The following MATN2 variants were observed in gnomAD, a reference collection of about 807,000 sequenced individuals.
The protein encoded by MATN2 is matrilin-2.
MATN2 carries 69 observed loss-of-function variants against 103.2 expected under a neutral mutation model. The ratio of observed to expected loss-of-function variants is 0.67; its 90% CI spans 0.55 to 0.82. MATN2 has a LOEUF of 0.82. MATN2 is among the 40% of genes least tolerant of loss of function. The pLI is 0.00. For missense variants in MATN2, 1,023 were observed against 1,211.5 expected (o/e 0.84, Z 2.31); for synonymous variants, 429 against 450.2 (o/e 0.95, Z 0.60).
At chr8:98,033,273 A>C (rs1009895901) in intron 17 of MATN2, 97 bp downstream of exon 17, 126 of 1,102,924 alleles carry the variant, frequency 1.1e-4, no homozygotes, top group Non-Finnish European at 1.5e-4. Flanking sequence ...AGAAGGAAGT[A>C]GGAAATAGTA....
At chr8:97,877,190 T>TG (rs958850093) in intron 1 of MATN2, among the ~76,000 whole-genome samples, 3 of 151,576 alleles carry the variant, frequency 2.0e-5, no homozygotes, top group African/African-American at 7.3e-5. Context: ...AAAAATTTTT[T>TG]GGGGGGGCCA....
intron 13 of MATN2, among the ~76,000 whole-genome samples, chr8:98,023,023 G>C (rs1813659783): frequency 6.6e-6 from 1 of 152,176 alleles, no homozygotes; most frequent in Non-Finnish European, 1.5e-5. Flanking sequence ...GGGAGGCGGA[G>C]GTTGCAGTGA....
Position 98,007,009 on chromosome 8 carries a change from G to A in MATN2, c.1328-96G>A, listed in dbSNP as rs1812994382. On this transcript the variant is annotated intron_variant, in intron 8 of 18. Coordinates refer to ENST00000254898, the MANE Select transcript of MATN2 (RefSeq NM_002380.5). The surrounding 1 kb of genome is among the most constrained non-coding windows in gnomAD (Gnocchi z 4.2). ...TGGGGTAGAATGACACCTTCCCTGTGGCTTGTTATGCCTCCGGTTTTGTTT... is the reference window on the plus strand; with the variant it reads ...TGGGGTAGAATGACACCTTCCCTGTAGCTTGTTATGCCTCCGGTTTTGTTT... 4.5e-6 allele frequency: 6 copies of A among 1,339,244 alleles called. No homozygotes were observed. Among genetic ancestry groups the A allele is most frequent in the Non-Finnish European group, 6.2e-6 (6 of 964,882 alleles). The allele number at this position is 1,339,244 out of a possible 1,614,324, so 83.0% of individuals were successfully genotyped here. A position where few individuals can be genotyped will look rare whatever the true frequency, so the allele number is the denominator to read the frequency against.
intron 2 of MATN2, among the ~76,000 whole-genome samples, chr8:97,913,108 G>T (rs1269055448): frequency 6.6e-6 from 1 of 152,102 alleles, no homozygotes; most frequent in Non-Finnish European, 1.5e-5. Flanking sequence ...CTAAAACCTT[G>T]CTTGCTGGCA....
intron 7 of MATN2, among the ~76,000 whole-genome samples, chr8:97,995,021 G>A (rs1402222143): frequency 6.6e-6 from 1 of 152,162 alleles, no homozygotes; most frequent in African/African-American, 2.4e-5. Context: ...TATTCCCTTT[G>A]ATAGGAAAGA....
At chr8:97,980,865 G>A (rs550248797) in intron 6 of MATN2, among the ~76,000 whole-genome samples, 16 of 151,676 alleles carry the variant, frequency 1.1e-4, no homozygotes, top group African/African-American at 3.1e-4. Context: ...CACAGCACCC[G>A]GCCATAGCAT....
At chr8:97,988,105 G>T (rs1812253965) in intron 6 of MATN2, among the ~76,000 whole-genome samples, 1 of 140,020 alleles carries the variant, frequency 7.1e-6, no homozygotes, top group African/African-American at 2.7e-5. Flanking sequence ...GATCACTTGA[G>T]GCAAGGAGTT....
intron 2 of MATN2, among the ~76,000 whole-genome samples, chr8:97,920,265 G>A (rs1248241826): frequency 6.6e-6 from 1 of 152,064 alleles, no homozygotes; most frequent in Non-Finnish European, 1.5e-5. Flanking sequence ...TGTAGTGTAG[G>A]GGCGTGATCT....
At chr8:97,909,827 CG>C (rs1182109899) in intron 2 of MATN2, among the ~76,000 whole-genome samples, 1 of 151,808 alleles carries the variant, frequency 6.6e-6, no homozygotes, top group Non-Finnish European at 1.5e-5. Flanking sequence ...TCTGTCGCCC[CG>C]GCTGGAGTAC....
At chr8:97,888,793 A>C (rs528251464) in intron 2 of MATN2, among the ~76,000 whole-genome samples, 204 of 152,312 alleles carry the variant, frequency 1.3e-3, no homozygotes, top group African/African-American at 4.6e-3. Context: ...AAACAAGGGC[A>C]TTGGTAAGCC....
At chr8:98,030,242 T>C (rs536775001) in intron 14 of MATN2, among the ~76,000 whole-genome samples, 2 of 152,248 alleles carry the variant, frequency 1.3e-5, no homozygotes, top group South Asian at 4.1e-4. Context: ...AGTAGTTTAG[T>C]TCCCCAGCGT....
intron 7 of MATN2, among the ~76,000 whole-genome samples, chr8:98,002,847 C>T (rs1441480107): frequency 6.6e-6 from 1 of 152,154 alleles, no homozygotes; most frequent in African/African-American, 2.4e-5. Flanking sequence ...GCAAAGTCTT[C>T]TTCAAGACAT....
intron 2 of MATN2, among the ~76,000 whole-genome samples, chr8:97,905,659 T>C (rs543479028): frequency 6.6e-6 from 1 of 152,256 alleles, no homozygotes; most frequent in East Asian, 1.9e-4. Flanking sequence ...TTTTTTGTTT[T>C]GTTTTGTTTT....
intron 2 of MATN2, among the ~76,000 whole-genome samples, chr8:97,926,201 CA>C (rs1436382421): frequency 5.9e-5 from 9 of 152,106 alleles, no homozygotes; most frequent in African/African-American, 2.2e-4. Context: ...ATTATGGGCC[CA>C]CAAACTGTCC....
chr8:97,918,191 T>G (rs1809695879), intron 2 of MATN2, among the ~76,000 whole-genome samples: 1 of 152,228 alleles, frequency 6.6e-6, no homozygotes, highest in South Asian at 2.1e-4. Flanking sequence ...GCTGTTCTGG[T>G]TAAACGTAGA....
chr8:97,936,514 G>C (rs1007110991), intron 3 of MATN2, among the ~76,000 whole-genome samples: 1 of 151,634 alleles, frequency 6.6e-6, no homozygotes, highest in African/African-American at 2.4e-5. Flanking sequence ...AGTCTACTGT[G>C]CCCAGTAATA....
Position 97,931,165 on chromosome 8 carries a change from G to A in MATN2, c.355G>A (p.Glu119Lys), listed in dbSNP as rs374944195. The A allele has an allele frequency of 6.2e-6, 10 of 1,613,752 alleles. No homozygotes were observed. Among genetic ancestry groups the A allele is most frequent in the Admixed American group, 3.3e-5 (2 of 60,020 alleles). The change falls in exon 3 of 19, where the codon GAG becomes AAG. Residue 119 changes from glutamate (E) to lysine (K), a missense_variant. By Grantham distance (56) the Glu-to-Lys change is moderately conservative. Transcript: ENST00000254898. The surrounding 1 kb of genome is among the most constrained non-coding windows in gnomAD (Gnocchi z 4.1). Reference sequence around the variant, plus strand: ...CCTCAAGACCTTCAAGAGGAAGTCCGAGGTGGAGCGTGCTGTCAAGAGGAT... The same window carrying A: ...CCTCAAGACCTTCAAGAGGAAGTCCAAGGTGGAGCGTGCTGTCAAGAGGAT... ...FSLKTFKRKS[E>K]VERAVKRMRH...
intron 2 of MATN2, among the ~76,000 whole-genome samples, chr8:97,891,366 G>T (rs923320082): frequency 1.3e-5 from 2 of 151,866 alleles, no homozygotes; most frequent in African/African-American, 4.8e-5. Context: ...TTGAGATAGG[G>T]TCTCACTGTC....
chr8:98,031,495 A>G (rs1282309754), intron 15 of MATN2: 3 of 152,236 alleles, frequency 2.0e-5, no homozygotes, highest in African/African-American at 7.2e-5. Flanking sequence ...AGAAATGATC[A>G]TTTAACTAAA....
Sources: allele counts gnomAD v4.1 joint callset (sites outside exome capture counted in the v4.1 genomes callset), GRCh38; gene constraint gnomAD v4.1.1; non-coding constraint Gnocchi (gnomAD v3.1); transcripts MANE v1.5; gene names NCBI Gene and HGNC (gene_info 2026-07-23, HGNC 2026-07-21).